Variants in GRXCR1 observed in about 807,000 individuals in gnomAD.
GRXCR1 encodes glutaredoxin domain-containing cysteine-rich protein 1.
GRXCR1 carries 27 observed loss-of-function variants against 27.3 expected under a neutral mutation model. The observed-to-expected ratio is 0.99, with a 90% CI of 0.73 to 1.37. GRXCR1 has a LOEUF of 1.37. GRXCR1 is among the 40% of genes most tolerant of loss of function. GRXCR1 has a pLI of 0.00. For synonymous variants in GRXCR1, 122 were observed against 131.1 expected (o/e 0.93, Z 0.47); for missense variants, 379 against 354.4 (o/e 1.07, Z -0.56).
chr4:43,010,381 TAACAAGAGAGA>T (rs1409278767), intron 2 of GRXCR1, among the ~76,000 whole-genome samples: 1 of 146,706 alleles, frequency 6.8e-6, no homozygotes, highest in Non-Finnish European at 1.5e-5. Context: ...CCAGCCTCGG[TAACAAGAGAGA>T]AACTCCATCT....
At chr4:42,968,194 T>G (rs1372350935) in intron 2 of GRXCR1, among the ~76,000 whole-genome samples, 1 of 152,114 alleles carries the variant, frequency 6.6e-6, no homozygotes, top group Non-Finnish European at 1.5e-5. Context: ...CCAGCCCTCC[T>G]GTACACAGCT....
At chr4:43,011,596 C>A (rs1299668273) in intron 2 of GRXCR1, among the ~76,000 whole-genome samples, 1 of 151,768 alleles carries the variant, frequency 6.6e-6, no homozygotes, top group Non-Finnish European at 1.5e-5. Context: ...TATTGTGGGG[C>A]TCTTCGTTAA....
At position 42,997,820 on chromosome 4, in the gene GRXCR1, C is replaced by T. The variant is rs577763403; in HGVS notation, c.628-22534C>T. Among the ~76,000 whole-genome samples, 12 of 152,302 alleles carry T rather than the reference C, an allele frequency of 7.9e-5. No individual in the cohort carries two copies. In the South Asian group the frequency reaches 2.5e-3, roughly 32 times the overall value. ...GGCCCCTGCCCTCATTTCTGCCTCT[C>T]TCCCTCTGCCTCCTAATGATCCCAG... On this transcript the variant is annotated intron_variant, in intron 2 of 3. Transcript: ENST00000399770.
chr4:42,945,549 G>T lies in GRXCR1; in HGVS notation c.385-17343G>T, dbSNP rs187690450. Among the ~76,000 whole-genome samples the T allele has an allele frequency of 2.9e-3, 438 of 152,202 alleles. 5 individuals carry two copies. Among genetic ancestry groups the T allele is most frequent in the African/African-American group, 9.9e-3 (411 of 41,538 alleles). ...CAGCTTTGAAAATAGAGAGAAAGAT[G>T]CTTTCTCCCTCCCAGTTCTGGCTGA... On this transcript the variant is annotated intron_variant, in intron 1 of 3. Coordinates refer to ENST00000399770, the MANE Select transcript of GRXCR1 (RefSeq NM_001080476.3).
Position 42,995,415 on chromosome 4 carries a change from A to G in GRXCR1, c.628-24939A>G, listed in dbSNP as rs1365378436. On this transcript the variant is annotated intron_variant, in intron 2 of 3. Coordinates refer to ENST00000399770, the MANE Select transcript of GRXCR1 (RefSeq NM_001080476.3). ...TTGCATTTGTAGAAATGATCCATTT[A>G]ATATTTTTTTTGGTGGAAAAAACAT... is the stretch of plus-strand genomic sequence containing the variant. 2.0e-5 allele frequency among the ~76,000 whole-genome samples: 3 copies of G among 152,210 alleles called. No individual in the cohort carries two copies. The East Asian group carries it at 5.8e-4, about 29-fold the overall frequency.
At chr4:43,029,593 C>G (rs1713357649) in intron 3 of GRXCR1, among the ~76,000 whole-genome samples, 1 of 152,154 alleles carries the variant, frequency 6.6e-6, no homozygotes, top group Non-Finnish European at 1.5e-5. Context: ...AAGTATTACT[C>G]TCAACACACT....
At chr4:42,927,674 C>T (rs1363484230) in intron 1 of GRXCR1, among the ~76,000 whole-genome samples, 2 of 149,900 alleles carry the variant, frequency 1.3e-5, no homozygotes, top group East Asian at 3.9e-4. Context: ...TGCAAGAAAA[C>T]AGAAAAAAAA....
At chr4:43,023,869 G>A (rs972656129) in intron 3 of GRXCR1, among the ~76,000 whole-genome samples, 4 of 152,140 alleles carry the variant, frequency 2.6e-5, no homozygotes, top group African/African-American at 9.7e-5. Context: ...GTGGCTGAAA[G>A]GATGAATGAA....
chr4:42,957,920 T>G (rs1222548145), intron 1 of GRXCR1, among the ~76,000 whole-genome samples: 1 of 151,972 alleles, frequency 6.6e-6, no homozygotes, highest in African/African-American at 2.4e-5. Context: ...AATTTGTCAC[T>G]GGTAACTTAT....
At chr4:42,944,028 T>C (rs1747685422) in intron 1 of GRXCR1, among the ~76,000 whole-genome samples, 3 of 152,106 alleles carry the variant, frequency 2.0e-5, no homozygotes, top group Admixed American at 2.0e-4. Context: ...CCTAACAAAG[T>C]GTGTATTTTT....
At chr4:42,930,376 T>C (rs1747275143) in intron 1 of GRXCR1, among the ~76,000 whole-genome samples, 1 of 152,026 alleles carries the variant, frequency 6.6e-6, no homozygotes, top group South Asian at 2.1e-4. Context: ...ACAGATTAGC[T>C]TCTAACTTCT....
At chr4:42,939,782 T>A (rs1747567486) in intron 1 of GRXCR1, among the ~76,000 whole-genome samples, 1 of 152,030 alleles carries the variant, frequency 6.6e-6, no homozygotes, top group African/African-American at 2.4e-5. Flanking sequence ...TATGATTACA[T>A]CTCTGTCTTT....
chr4:42,982,900 GTTGT>G (rs1275276194), intron 2 of GRXCR1, among the ~76,000 whole-genome samples: 8 of 151,850 alleles, frequency 5.3e-5, no homozygotes, highest in South Asian at 2.1e-4. Flanking sequence ...TTTTGATGGG[GTTGT>G]TTGTTTTTTT....
chr4:43,024,966 C>T (rs536549363), intron 3 of GRXCR1, among the ~76,000 whole-genome samples: 13 of 152,128 alleles, frequency 8.5e-5, no homozygotes, highest in South Asian at 2.1e-4. Context: ...GGATACTTAA[C>T]GGACTTTCAA....
At chr4:42,959,882 C>T (rs994630950) in intron 1 of GRXCR1, among the ~76,000 whole-genome samples, 3 of 151,794 alleles carry the variant, frequency 2.0e-5, no homozygotes, top group Non-Finnish European at 4.4e-5. Flanking sequence ...TGGGCTTGGT[C>T]TAGGATTTGG....
intron 1 of GRXCR1, among the ~76,000 whole-genome samples, chr4:42,951,077 C>T (rs1747872719): frequency 6.6e-6 from 1 of 152,142 alleles, no homozygotes; most frequent in Non-Finnish European, 1.5e-5. Context: ...GAAGACCTGA[C>T]ATCCAGATAA....
intron 3 of GRXCR1, among the ~76,000 whole-genome samples, chr4:43,028,707 CAA>C (rs1713331489): frequency 6.6e-6 from 1 of 152,194 alleles, no homozygotes; most frequent in Admixed American, 6.5e-5. Context: ...TGTTTTTACT[CAA>C]AGTTTTTCTT....
At chr4:42,985,015 T>C (rs1711661483) in intron 2 of GRXCR1, among the ~76,000 whole-genome samples, 1 of 152,116 alleles carries the variant, frequency 6.6e-6, no homozygotes, top group Non-Finnish European at 1.5e-5. Context: ...TTCCCTTCCT[T>C]AATCCTAAGT....
chr4:42,910,569 A>G (rs138719461), intron 1 of GRXCR1, among the ~76,000 whole-genome samples: 3 of 152,286 alleles, frequency 2.0e-5, no homozygotes, highest in Admixed American at 1.3e-4. Flanking sequence ...GATTCAGGTC[A>G]TAAGCTCTCA....
Sources: gnomAD v4.1 joint callset for allele counts (sites outside exome capture counted in the v4.1 genomes callset) on GRCh38, gnomAD v4.1.1 for gene constraint, MANE v1.5 for transcripts, NCBI Gene and HGNC (gene_info 2026-07-23, HGNC 2026-07-21) for gene names.